The following PCDH19 variants were observed in gnomAD, a reference collection of about 807,000 sequenced individuals.
PCDH19 encodes protocadherin-19.
A neutral mutation model predicts 46.2 loss-of-function variants in PCDH19; 6 were observed. That is an observed-to-expected ratio of 0.13 (90% CI 0.07 to 0.26). The LOEUF (loss-of-function observed/expected upper bound fraction) is 0.26. Among genes scored for constraint, PCDH19 ranks in the 10% least tolerant of loss-of-function variants. PCDH19 has a pLI of 1.00. For synonymous variants in PCDH19, 481 were observed against 415.7 expected (o/e 1.16, Z -1.91); for missense variants, 740 against 972.3 (o/e 0.76, Z 3.18).
intron 5 of PCDH19, among the ~76,000 whole-genome samples, chrX:100,332,530 AT>A (rs1305869764): frequency 9.0e-6 from 1 of 110,583 alleles, no homozygotes; most frequent in Non-Finnish European, 1.9e-5. Context: ...AAAAAAAAAA[AT>A]GCTTGGTATC....
At chrX:100,382,092 AAG>A (rs1927569329) in intron 3 of PCDH19, among the ~76,000 whole-genome samples, 1 of 111,154 alleles carries the variant, frequency 9.0e-6, no homozygotes, top group African/African-American at 3.3e-5. Context: ...AAAAAAAAAA[AAG>A]AAATAGACAC....
intron 5 of PCDH19, among the ~76,000 whole-genome samples, chrX:100,300,276 A>G (rs1924733444): frequency 8.9e-6 from 1 of 112,354 alleles, no homozygotes; most frequent in Non-Finnish European, 1.9e-5. Flanking sequence ...TAAAAAAATA[A>G]AAATTAAAAA....
intron 3 of PCDH19, among the ~76,000 whole-genome samples, chrX:100,364,182 G>A (rs781606509): frequency 2.4e-3 from 259 of 109,654 alleles, no homozygotes; most frequent in Non-Finnish European, 4.0e-3. Flanking sequence ...CCATTCAAGG[G>A]CTAGTGCAGT....
chrX:100,322,865 A>ATTTTTTTTTTTTTTTTTT (rs57520956), intron 5 of PCDH19, among the ~76,000 whole-genome samples: 1 of 54,416 alleles, frequency 1.8e-5, no homozygotes. Flanking sequence ...ATATATATAT[A>ATTTTTTTTTTTTTTTTTT]TTTTTGCAGC....
chrX:100,380,328 T>C (rs1602619492), intron 3 of PCDH19, among the ~76,000 whole-genome samples: 1 of 111,662 alleles, frequency 9.0e-6, no homozygotes, highest in Non-Finnish European at 1.9e-5. Flanking sequence ...GCTCAAATAT[T>C]ACTTCCCTTC....
At position 100,364,457 on chromosome X, in the gene PCDH19, C is replaced by G. The variant is rs192186692; in HGVS notation, c.2617-13753G>C. ...CCACATGTGGCTACCATGTCCTGGA[C>G]AGAGCAGACATAGAACATTTCCATC... On this transcript the variant is annotated intron_variant, in intron 3 of 5. Coordinates refer to ENST00000373034, the MANE Select transcript of PCDH19 (RefSeq NM_001184880.2). Among the ~76,000 whole-genome samples the G allele has an allele frequency of 3.9e-3, 437 of 112,018 alleles. 2 individuals are homozygous for G. The highest frequency in any genetic ancestry group is 0.013 in the African/African-American group (416 of 30,825).
intron 3 of PCDH19, among the ~76,000 whole-genome samples, chrX:100,393,892 G>T (rs966155394): frequency 1.8e-5 from 2 of 112,371 alleles, no homozygotes; most frequent in African/African-American, 6.5e-5. Flanking sequence ...GCAGCCAGGC[G>T]TAGTGGCTCA....
At chrX:100,347,497 T>A in intron 4 of PCDH19, among the ~76,000 whole-genome samples, 1 of 111,893 alleles carries the variant, frequency 8.9e-6, no homozygotes, top group East Asian at 2.8e-4. Flanking sequence ...AATGGTCCTC[T>A]TTGTAAATAA....
intron 3 of PCDH19, among the ~76,000 whole-genome samples, chrX:100,381,643 C>T (rs1448950756): frequency 2.7e-5 from 3 of 111,809 alleles, no homozygotes; most frequent in Admixed American, 9.5e-5. Context: ...ATTAAATTAC[C>T]GTAGGCCTGA....
intron 5 of PCDH19, among the ~76,000 whole-genome samples, chrX:100,313,746 C>T (rs1299385377): frequency 3.7e-5 from 4 of 108,541 alleles, no homozygotes; most frequent in Non-Finnish European, 7.6e-5. Flanking sequence ...CTGGATGGGT[C>T]GGTGATGAGA....
chrX:100,322,777 G>T (rs2147467963), intron 5 of PCDH19, among the ~76,000 whole-genome samples: 1 of 97,684 alleles, frequency 1.0e-5, no homozygotes, highest in South Asian at 4.9e-4. Flanking sequence ...TTTCAGCAGT[G>T]TTTTGTAGTT....
chrX:100,346,386 T>A (rs1030233626), intron 4 of PCDH19, among the ~76,000 whole-genome samples: 1 of 112,010 alleles, frequency 8.9e-6, no homozygotes, highest in Non-Finnish European at 1.9e-5. Context: ...TAACTGTATT[T>A]AAGTAATACA....
At chrX:100,352,345 C>T (rs187898650) in intron 3 of PCDH19, among the ~76,000 whole-genome samples, 79 of 112,491 alleles carry the variant, frequency 7.0e-4, no homozygotes, top group African/African-American at 2.4e-3. Flanking sequence ...AACAAACACT[C>T]TTTGAGTTAA....
intron 5 of PCDH19, among the ~76,000 whole-genome samples, chrX:100,307,333 C>T (rs982499986): frequency 9.0e-6 from 1 of 111,719 alleles, no homozygotes; most frequent in Non-Finnish European, 1.9e-5. Flanking sequence ...AAGCATTTGA[C>T]AAAATCCAGT....
At chrX:100,317,636 C>T (rs1005017010) in intron 5 of PCDH19, among the ~76,000 whole-genome samples, 1 of 109,701 alleles carries the variant, frequency 9.1e-6, no homozygotes, top group Non-Finnish European at 1.9e-5. Flanking sequence ...AAGAGACTAG[C>T]GCTACCTGAG....
chrX:100,394,161 C>T (rs983948153), intron 3 of PCDH19, among the ~76,000 whole-genome samples: 6 of 111,718 alleles, frequency 5.4e-5, no homozygotes, highest in Admixed American at 9.5e-5. Flanking sequence ...AGTGAGACTC[C>T]GTCTCAACAA....
At chrX:100,361,934 G>C (rs911053135) in intron 3 of PCDH19, among the ~76,000 whole-genome samples, 1 of 111,663 alleles carries the variant, frequency 9.0e-6, no homozygotes, top group Non-Finnish European at 1.9e-5. Context: ...CACAACCAGA[G>C]CAATTTCCTC....
At chrX:100,314,524 G>GA (rs1168622119) in intron 5 of PCDH19, among the ~76,000 whole-genome samples, 1 of 112,116 alleles carries the variant, frequency 8.9e-6, no homozygotes, top group Non-Finnish European at 1.9e-5. Flanking sequence ...GTAGCTCTCA[G>GA]AAAAAGTTGT....
At chrX:100,336,774 C>A (rs1926102043) in intron 5 of PCDH19, among the ~76,000 whole-genome samples, 2 of 111,515 alleles carry the variant, frequency 1.8e-5, no homozygotes, top group Admixed American at 1.9e-4. Context: ...TTAGAGTCAT[C>A]TTTTCATCTG....
Sources: allele counts gnomAD v4.1 joint callset (sites outside exome capture counted in the v4.1 genomes callset), GRCh38; gene constraint gnomAD v4.1.1; transcripts MANE v1.5; gene names NCBI Gene and HGNC (gene_info 2026-07-23, HGNC 2026-07-21).